The following SLC6A16 variants were observed in gnomAD, a reference collection of about 807,000 sequenced individuals.
SLC6A16 encodes solute carrier family 6 member 16.
In SLC6A16, 54 loss-of-function variants were observed where a neutral mutation model predicts 65.4. The observed-to-expected ratio is 0.83, with a 90% CI of 0.66 to 1.04. The LOEUF (loss-of-function observed/expected upper bound fraction) is 1.04, where lower values mean the gene tolerates loss of function less well. Among genes scored for constraint, SLC6A16 ranks in the 50% least tolerant of loss-of-function variants. SLC6A16 has a pLI of 0.00. For synonymous variants in SLC6A16, 330 were observed against 346.5 expected, an observed-to-expected ratio of 0.95 and a Z score of 0.53; for missense variants, 816 against 914.0, an observed-to-expected ratio of 0.89 and a Z score of 1.38.
intron 1 of SLC6A16, among the ~76,000 whole-genome samples, chr19:49,319,553 C>CAT (rs907489423): frequency 5.3e-5 from 8 of 150,268 alleles, no homozygotes; most frequent in Non-Finnish European, 8.9e-5. Context: ...TATACATATA[C>CAT]ATATATATAT....
chr19:49,297,351 A>G (rs1236445781), intron 7 of SLC6A16, among the ~76,000 whole-genome samples: 1 of 152,216 alleles, frequency 6.6e-6, no homozygotes, highest in African/African-American at 2.4e-5. Flanking sequence ...CCTGAGAAAC[A>G]GGCAAATTAA....
At chr19:49,334,899 A>T in the SLC6A16 span, among the ~76,000 whole-genome samples, 2 of 152,074 alleles carry the variant, frequency 1.3e-5, no homozygotes, top group African/African-American at 2.4e-5. Flanking sequence ...ACAAATATAT[A>T]AATAAAATAA....
At position 49,310,466 on chromosome 19, in the gene SLC6A16, C is replaced by A; in HGVS notation, c.460G>T (p.Val154Phe). 1.2e-6 allele frequency: 2 copies of A among 1,614,132 alleles called. No homozygotes were observed. Among genetic ancestry groups the A allele is most frequent in the Non-Finnish European group, 8.5e-7 (1 of 1,180,044 alleles). Residue 154 changes from valine (V) to phenylalanine (F), a missense_variant, in exon 3 of 12, where the codon GTT becomes TTT. Transcript: ENST00000335875. ...GCCATCTCCAGGAAGAGAAGAGGAACCCCGACCAGGAACAGCATGAAGATG... is the reference window on the plus strand; with the variant it reads ...GCCATCTCCAGGAAGAGAAGAGGAAACCCGACCAGGAACAGCATGAAGATG... ...IYIFMLFLVG[V>F]PLLFLEMAAG... is the part of the protein sequence containing the mutation.
intron 10 of SLC6A16, among the ~76,000 whole-genome samples, chr19:49,291,475 C>T (rs958219522): frequency 3.3e-5 from 5 of 152,146 alleles, no homozygotes; most frequent in African/African-American, 4.8e-5. Flanking sequence ...ATTCATATCC[C>T]AGTACCACAA....
intron 7 of SLC6A16, among the ~76,000 whole-genome samples, chr19:49,306,390 AAAGT>A (rs775315536): frequency 2.0e-5 from 3 of 152,164 alleles, no homozygotes; most frequent in Non-Finnish European, 2.9e-5. Flanking sequence ...AGAAAGCACA[AAAGT>A]AAGCAAAGAG....
At chr19:49,326,800 CAT>C (rs1297894711), upstream of SLC6A16, among the ~76,000 whole-genome samples, 1 of 152,154 alleles carries the variant, frequency 6.6e-6, no homozygotes, top group African/African-American at 2.4e-5. Context: ...GGGCGGATCA[CAT>C]GAGGCCAGGA....
At chr19:49,316,640 C>T (rs1276668660) in intron 1 of SLC6A16, among the ~76,000 whole-genome samples, 2 of 151,794 alleles carry the variant, frequency 1.3e-5, no homozygotes, top group Non-Finnish European at 2.9e-5. Context: ...TAAAATTAAC[C>T]AACCAGGGAT....
intron 7 of SLC6A16, among the ~76,000 whole-genome samples, chr19:49,303,617 T>C (rs1334742883): frequency 6.8e-6 from 1 of 147,450 alleles, no homozygotes; most frequent in African/African-American, 2.5e-5. Flanking sequence ...ATCACGCCAC[T>C]GCACTCCAGC....
intron 8 of SLC6A16, 56 bp from the exon 9 acceptor site, chr19:49,294,084 A>G: frequency 7.0e-7 from 1 of 1,437,092 alleles, no homozygotes; most frequent in Non-Finnish European, 9.7e-7. Context: ...ATAACAAAAA[A>G]ATATAGACAA....
At chr19:49,331,633 T>C in the SLC6A16 span, 4 of 387,746 alleles carry the variant, frequency 1.0e-5, no homozygotes, top group East Asian at 2.9e-4. Context: ...TCCAAAATGC[T>C]TTATGTAAGT....
At chr19:49,339,623 C>A in the SLC6A16 span, 1 of 1,433,432 alleles carries the variant, frequency 7.0e-7, no homozygotes, top group Non-Finnish European at 9.1e-7. This position sits in a 1 kb window ranked among gnomAD's most constrained non-coding sequence, Gnocchi z 4.5. Flanking sequence ...AAGCCTCCTG[C>A]TATTGGCTGC....
chr19:49,313,147 A>G (rs531476469), intron 1 of SLC6A16, among the ~76,000 whole-genome samples: 1 of 151,038 alleles, frequency 6.6e-6, no homozygotes, highest in East Asian at 1.9e-4. Flanking sequence ...TTTTACATTA[A>G]ATTTTTTAAA....
At chr19:49,337,200 C>G in the SLC6A16 span, 1 of 1,614,172 alleles carries the variant, frequency 6.2e-7, no homozygotes. Context: ...TGGGAATCCT[C>G]ATCTCCACTC....
At chr19:49,325,442 A>G (rs1353626586), upstream of SLC6A16, among the ~76,000 whole-genome samples, 1 of 152,224 alleles carries the variant, frequency 6.6e-6, no homozygotes, top group Admixed American at 6.5e-5. Flanking sequence ...TCTCTGGCAC[A>G]TGCACTTTGC....
chr19:49,290,915 C>A, intron 10 of SLC6A16, 148 bp from the exon 11 acceptor site: 1 of 735,938 alleles, frequency 1.4e-6, no homozygotes, highest in Non-Finnish European at 2.2e-6. Context: ...TCATCTTCCC[C>A]CTAGTCAGTC....
At chr19:49,321,319 TAAAAA>T (rs55808015) in intron 1 of SLC6A16, among the ~76,000 whole-genome samples, 1 of 144,442 alleles carries the variant, frequency 6.9e-6, no homozygotes. Context: ...CCTTTCATGA[TAAAAA>T]AAAAAAAAAA....
chr19:49,333,330 G>C, the SLC6A16 span, among the ~76,000 whole-genome samples: 1 of 151,408 alleles, frequency 6.6e-6, no homozygotes, highest in Non-Finnish European at 1.5e-5. Flanking sequence ...AAAATTAGCC[G>C]GGCGTAGTGG....
At chr19:49,330,942 A>C in the SLC6A16 span, among the ~76,000 whole-genome samples, 2 of 146,858 alleles carry the variant, frequency 1.4e-5, no homozygotes, top group African/African-American at 5.5e-5. Context: ...ACAAAAAAAA[A>C]ACACAAAAAA....
chr19:49,329,681 G>A (rs373406813), upstream of SLC6A16, among the ~76,000 whole-genome samples: 1 of 142,690 alleles, frequency 7.0e-6, no homozygotes, highest in African/African-American at 2.6e-5. Flanking sequence ...CGCCCAGGCT[G>A]GAGTGCAGTG....
Sources: gnomAD v4.1 joint callset for allele counts (sites outside exome capture counted in the v4.1 genomes callset) on GRCh38, gnomAD v4.1.1 for gene constraint, Gnocchi (gnomAD v3.1) non-coding constraint, MANE v1.5 for transcripts, NCBI Gene and HGNC (gene_info 2026-07-23, HGNC 2026-07-21) for gene names.